Variants in KCNK12 observed in about 807,000 individuals in gnomAD.
KCNK12 encodes potassium two pore domain channel subfamily K member 12.
Under a neutral mutation model 25.3 loss-of-function variants are expected in KCNK12, and 6 were observed. The ratio of observed to expected loss-of-function variants is 0.24; its 90% confidence interval spans 0.13 to 0.47. KCNK12 has a LOEUF of 0.47. Among genes scored for constraint, KCNK12 ranks in the 20% least tolerant of loss-of-function variants. The pLI is 0.99. For missense variants in KCNK12, 444 were observed against 661.7 expected, an observed-to-expected ratio of 0.67 and a Z score of 3.61; for synonymous variants, 331 against 311.1, an observed-to-expected ratio of 1.06 and a Z score of -0.67.
Position 47,521,051 on chromosome 2 carries a change from C to A in KCNK12, c.1149G>T (p.Ala383=). 7.2e-7 allele frequency: 1 copy of A among 1,393,224 alleles called. No individual in the cohort carries two copies. Among genetic ancestry groups the A allele is most frequent in the Non-Finnish European group, 9.3e-7 (1 of 1,070,210 alleles). The allele number at this position is 1,393,224 out of a possible 1,614,324, so 86.3% of individuals were successfully genotyped here. Residue 383 remains alanine (A), a synonymous_variant, in exon 2 of 2, where the codon GCG becomes GCT. Transcript: ENST00000327876. ...DLTASNKVSL[A]LLQKQLSETA... is the part of the protein sequence containing the mutation. ...TCTCCGACAGCTGCTTCTGCAGCAG[C>A]GCCAGCGACACCTTGTTGGAGGCCG...
chr2:47,562,218 C>T lies in KCNK12; in HGVS notation c.391+7723G>A. 1 of 398,426 alleles carries T rather than the reference C, an allele frequency of 2.5e-6. No individual in the cohort carries two copies. Among genetic ancestry groups the T allele is most frequent in the Non-Finnish European group, 4.4e-6 (1 of 226,024 alleles). 24.7% of individuals were successfully genotyped at this position (398,426 alleles called of 1,614,324 possible). On this transcript the variant is annotated intron_variant, in intron 1 of 1. Transcript: ENST00000327876. This position sits in a 1 kb window ranked among gnomAD's most constrained non-coding sequence, Gnocchi z 4.8. ...TTCCCAGGTGGTTCCAGGCACCTTA[C>T]AGTTTGAAAAGCACTGCTGCATGCT...
intron 1 of KCNK12, among the ~76,000 whole-genome samples, chr2:47,553,569 GT>G (rs1347699465): frequency 1.3e-5 from 2 of 152,184 alleles, no homozygotes; most frequent in Non-Finnish European, 2.9e-5. Flanking sequence ...TTTGAAGGTA[GT>G]TCTAGAGACT....
chr2:47,540,031 G>A lies in KCNK12; in HGVS notation c.392-18223C>T, dbSNP rs1669163164. ...GTGCCTCAGTTTCCCCATCTATCAAGTAGACAGCACTGCCTTACAGATGGT... is the reference window on the plus strand; with the variant it reads ...GTGCCTCAGTTTCCCCATCTATCAAATAGACAGCACTGCCTTACAGATGGT... On this transcript the variant is annotated intron_variant, in intron 1 of 1. Coordinates refer to ENST00000327876, the MANE Select transcript of KCNK12 (RefSeq NM_022055.2). The surrounding 1 kb of genome is among the most constrained non-coding windows in gnomAD (Gnocchi z 5.4). Among the ~76,000 whole-genome samples, 1 of 152,202 alleles carries A rather than the reference G, an allele frequency of 6.6e-6. No individual in the cohort carries two copies. Among genetic ancestry groups the A allele is most frequent in the Non-Finnish European group, 1.5e-5 (1 of 68,036 alleles).
At position 47,511,566 on chromosome 2, in the gene KCNK12, G is replaced by A. The variant is rs148870570; in HGVS notation, c.*9341C>T. Reference sequence around the variant, plus strand: ...TTACCCGCACAGGTGTGACATCACAGGGTAACCAAATGCTTTTGCCCTGGG... The same window carrying A: ...TTACCCGCACAGGTGTGACATCACAAGGTAACCAAATGCTTTTGCCCTGGG... On this transcript the variant is annotated 3_prime_UTR_variant, in exon 2 of 2. Coordinates refer to ENST00000327876, the MANE Select transcript of KCNK12 (RefSeq NM_022055.2). The surrounding 1 kb of genome is among the most constrained non-coding windows in gnomAD (Gnocchi z 4.3). Among the ~76,000 whole-genome samples, 7 of 152,204 alleles carry A rather than the reference G, an allele frequency of 4.6e-5. No homozygotes were observed. The highest frequency in any genetic ancestry group is 2.1e-4 in the South Asian group (1 of 4,830).
intron 1 of KCNK12, among the ~76,000 whole-genome samples, chr2:47,530,969 A>T (rs1668910939): frequency 6.6e-6 from 1 of 152,214 alleles, no homozygotes; most frequent in African/African-American, 2.4e-5. Context: ...GCAAATGTAC[A>T]AGAGTTTGGA....
At position 47,514,117 on chromosome 2, in the gene KCNK12, A is replaced by G. The variant is rs943466192; in HGVS notation, c.*6790T>C. 6.6e-6 allele frequency among the ~76,000 whole-genome samples: 1 copy of G among 151,992 alleles called. No individual in the cohort carries two copies. Among genetic ancestry groups the G allele is most frequent in the Non-Finnish European group, 1.5e-5 (1 of 67,988 alleles). ...TGCAGAACTACACACAGTTCCCCCA[A>G]CAAGGCCCTGCTCTGTTCTTCCCAC... On this transcript the variant is annotated 3_prime_UTR_variant, in exon 2 of 2. Coordinates refer to ENST00000327876, the MANE Select transcript of KCNK12 (RefSeq NM_022055.2). This position sits in a 1 kb window ranked among gnomAD's most constrained non-coding sequence, Gnocchi z 5.0.
intron 1 of KCNK12, among the ~76,000 whole-genome samples, chr2:47,534,515 A>ACCCCCCC (rs34901455): frequency 8.3e-5 from 4 of 48,160 alleles, no homozygotes; most frequent in Admixed American, 2.5e-4. Flanking sequence ...GCCCCTTCTA[A>ACCCCCCC]CCCCCCCCCC....
intron 1 of KCNK12, among the ~76,000 whole-genome samples, chr2:47,539,502 G>GT (rs1669147628): frequency 1.3e-5 from 2 of 152,256 alleles, no homozygotes; most frequent in Middle Eastern, 3.4e-3. Context: ...TAGCCAAAAG[G>GT]GGACTAAGGA....
rs1257574593 is a variant in KCNK12, at chr2:47,540,680, C to T, written c.392-18872G>A. On this transcript the variant is annotated intron_variant, in intron 1 of 1. Coordinates refer to ENST00000327876, the MANE Select transcript of KCNK12 (RefSeq NM_022055.2). The surrounding 1 kb of genome is among the most constrained non-coding windows in gnomAD (Gnocchi z 5.4). ...GTGGCTTATGCCTGTCATGCCAGCA[C>T]TTTGGGAGGCCAAGGCAGGGGGATT... 6.6e-6 allele frequency among the ~76,000 whole-genome samples: 1 copy of T among 152,136 alleles called. No individual in the cohort carries two copies. The highest frequency in any genetic ancestry group is 2.4e-5 in the African/African-American group (1 of 41,424).
chr2:47,568,134 G>A (rs912216951), intron 1 of KCNK12, among the ~76,000 whole-genome samples: 1 of 152,106 alleles, frequency 6.6e-6, no homozygotes, highest in Non-Finnish European at 1.5e-5. Context: ...TAGGAAGCCG[G>A]AACATGTCAC....
rs980663644 is a variant in KCNK12, at chr2:47,566,056, A to G, written c.391+3885T>C. 2 of 152,260 alleles carry G rather than the reference A, an allele frequency of 1.3e-5. No homozygotes were observed. The highest frequency in any genetic ancestry group is 4.8e-5 in the African/African-American group (2 of 41,476). 9.4% of individuals were successfully genotyped at this position (152,260 alleles called of 1,614,324 possible). ...CCCAGGATTTCAGTTCAGTGTAAGC[A>G]ATCGGTATGAATAATTTAGACCACA... is the stretch of plus-strand genomic sequence containing the variant. On this transcript the variant is annotated intron_variant, in intron 1 of 1. Coordinates refer to ENST00000327876, the MANE Select transcript of KCNK12 (RefSeq NM_022055.2). The surrounding 1 kb of genome is among the most constrained non-coding windows in gnomAD (Gnocchi z 4.1).
At chr2:47,549,659 G>A (rs753280744) in intron 1 of KCNK12, among the ~76,000 whole-genome samples, 2 of 152,146 alleles carry the variant, frequency 1.3e-5, no homozygotes, top group Non-Finnish European at 2.9e-5. Context: ...TAGGGGGCTG[G>A]GTGCGGTGGC....
intron 1 of KCNK12, chr2:47,527,422 C>G (rs1668807330): frequency 6.6e-6 from 1 of 152,356 alleles, no homozygotes; most frequent in South Asian, 2.1e-4. Flanking sequence ...AAGACTTGAC[C>G]CAGGGCTTGA....
rs1669573986 is a variant in KCNK12 at position 47,557,505 on chromosome 2, TA to T, written c.391+12435del. The stretch of plus-strand genomic sequence containing the variant: ...AAGCAGAAAACAGACCAAGACAAGC[TA>T]AAATTCATACCCAAGACCAGGGCCC... On this transcript the variant is annotated intron_variant, in intron 1 of 1. Transcript: ENST00000327876. This position sits in a 1 kb window ranked among gnomAD's most constrained non-coding sequence, Gnocchi z 4.9. Among the ~76,000 whole-genome samples the T allele has an allele frequency of 6.6e-6, 1 of 152,064 alleles. No individual in the cohort carries two copies. The highest frequency in any genetic ancestry group is 2.4e-5 in the African/African-American group (1 of 41,398).
At position 47,547,998 on chromosome 2, in the gene KCNK12, T is replaced by G. The variant is rs1468505282; in HGVS notation, c.391+21943A>C. Among the ~76,000 whole-genome samples the G allele has an allele frequency of 6.6e-6, 1 of 152,150 alleles. No individual in the cohort carries two copies. Among genetic ancestry groups the G allele is most frequent in the Non-Finnish European group, 1.5e-5 (1 of 68,036 alleles). On this transcript the variant is annotated intron_variant, in intron 1 of 1. Coordinates refer to ENST00000327876, the MANE Select transcript of KCNK12 (RefSeq NM_022055.2). This position sits in a 1 kb window ranked among gnomAD's most constrained non-coding sequence, Gnocchi z 5.0. ...TTCCCCCTTGCCGTTCTCATGATAG[T>G]AAGTTCTCATGAGATCTGGTTGTTT...
rs555639302 is a variant in KCNK12, at chr2:47,548,294, C to G, written c.391+21647G>C. On this transcript the variant is annotated intron_variant, in intron 1 of 1. Coordinates refer to ENST00000327876, the MANE Select transcript of KCNK12 (RefSeq NM_022055.2). The surrounding 1 kb of genome is among the most constrained non-coding windows in gnomAD (Gnocchi z 4.4). ...GCTGGCAAATCCCAAATTTGTATCTCAAACCCAACCTGTCCCTTGAGTTCT... is the reference window on the plus strand; with the variant it reads ...GCTGGCAAATCCCAAATTTGTATCTGAAACCCAACCTGTCCCTTGAGTTCT... Among the ~76,000 whole-genome samples, 2 of 152,316 alleles carry G rather than the reference C, an allele frequency of 1.3e-5. No individual in the cohort carries two copies. The highest frequency in any genetic ancestry group is 6.5e-5 in the Admixed American group (1 of 15,300).
chr2:47,554,039 T>G (rs1212715271), intron 1 of KCNK12, among the ~76,000 whole-genome samples: 1 of 152,218 alleles, frequency 6.6e-6, no homozygotes, highest in East Asian at 1.9e-4. Context: ...CCAGACTAAG[T>G]ACCTGCATTC....
chr2:47,562,869 G>C lies in KCNK12; in HGVS notation c.391+7072C>G. 4.3e-6 allele frequency: 1 copy of C among 233,200 alleles called. No homozygotes were observed. Among genetic ancestry groups the C allele is most frequent in the Non-Finnish European group, 8.5e-6 (1 of 118,058 alleles). 14.4% of individuals were successfully genotyped at this position (233,200 alleles called of 1,614,324 possible). Reference sequence around the variant, plus strand: ...TGGTGAGGATCAGAGGCTGGACTCTGCCCAAAGCACCCACCTTGGGCTCCA... The same window carrying C: ...TGGTGAGGATCAGAGGCTGGACTCTCCCCAAAGCACCCACCTTGGGCTCCA... On this transcript the variant is annotated intron_variant, in intron 1 of 1. Coordinates refer to ENST00000327876, the MANE Select transcript of KCNK12 (RefSeq NM_022055.2). This position sits in a 1 kb window ranked among gnomAD's most constrained non-coding sequence, Gnocchi z 4.8.
chr2:47,554,324 A>G (rs1309644841), intron 1 of KCNK12, among the ~76,000 whole-genome samples: 1 of 152,232 alleles, frequency 6.6e-6, no homozygotes. Flanking sequence ...TTCTAAGGAC[A>G]ATAAGGCAGA....
Sources: gnomAD v4.1 joint callset for allele counts (sites outside exome capture counted in the v4.1 genomes callset) on GRCh38, gnomAD v4.1.1 for gene constraint, Gnocchi (gnomAD v3.1) non-coding constraint, MANE v1.5 for transcripts, NCBI Gene and HGNC (gene_info 2026-07-23, HGNC 2026-07-21) for gene names.